The following TLCD4 variants were observed in gnomAD, a reference collection of about 807,000 sequenced individuals.
The protein encoded by TLCD4 is TLC domain-containing protein 4.
A neutral mutation model predicts 24.2 loss-of-function variants in TLCD4; 7 were observed. That is an observed-to-expected ratio of 0.29 (90% CI 0.16 to 0.54). The LOEUF is 0.54. Among genes scored for constraint, TLCD4 ranks in the 20% least tolerant of loss-of-function variants. The pLI, the probability that TLCD4 is intolerant of heterozygous loss-of-function variation, is 0.95. For missense variants in TLCD4, 259 were observed against 313.9 expected (o/e 0.82, Z 1.32); for synonymous variants, 103 against 106.4 (o/e 0.97, Z 0.20).
In TLCD4 at chr1:95,194,949, A is replaced by G. The variant is rs943044780; in HGVS notation, c.*3081A>G. The G allele has an allele frequency of 6.6e-6, 1 of 152,114 alleles. No homozygotes were observed. The highest frequency in any genetic ancestry group is 2.4e-5 in the African/African-American group (1 of 41,436). 9.4% of individuals were successfully genotyped at this position (152,114 alleles called of 1,614,324 possible). A position where few individuals can be genotyped will look rare whatever the true frequency, so the allele number is the denominator to read the frequency against. On this transcript the variant is annotated 3_prime_UTR_variant, in exon 7 of 7. Transcript: ENST00000370203. ...TAAATTGAATTAAATTTTTATCCCA[A>G]CTGTTTGATTTTATTATTTCATGGA... is the stretch of plus-strand genomic sequence containing the variant.
At chr1:95,151,132 G>C (rs188890762) in intron 4 of TLCD4, among the ~76,000 whole-genome samples, 193 bp from the exon 5 acceptor site, 13 of 152,272 alleles carry the variant, frequency 8.5e-5, no homozygotes, top group Admixed American at 6.5e-4. Context: ...AGCCACAGGA[G>C]TGTGGATGAG....
chr1:95,159,013 G>C (rs527738689), intron 5 of TLCD4, among the ~76,000 whole-genome samples: 2 of 152,236 alleles, frequency 1.3e-5, no homozygotes, highest in South Asian at 4.2e-4. Flanking sequence ...AATCCTTTGG[G>C]TTTTGACCCA....
intron 6 of TLCD4, among the ~76,000 whole-genome samples, chr1:95,189,691 A>G (rs2101025877): frequency 6.6e-6 from 1 of 152,332 alleles, no homozygotes; most frequent in East Asian, 1.9e-4. Flanking sequence ...TTAGCACTTT[A>G]GATTCATTCT....
At chr1:95,131,291 A>G (rs1452471212) in intron 1 of TLCD4, among the ~76,000 whole-genome samples, 1 of 152,180 alleles carries the variant, frequency 6.6e-6, no homozygotes, top group Non-Finnish European at 1.5e-5. Context: ...CTGAAGAACC[A>G]TGGATGTGAA....
At chr1:95,137,412 A>G (rs1469934721) in intron 1 of TLCD4, among the ~76,000 whole-genome samples, 1 of 152,154 alleles carries the variant, frequency 6.6e-6, no homozygotes, top group Non-Finnish European at 1.5e-5. Flanking sequence ...ACACTCCAGC[A>G]GTGGTTCTCA....
At chr1:95,122,397 T>G (rs1676594262) in intron 1 of TLCD4, among the ~76,000 whole-genome samples, 1 of 152,160 alleles carries the variant, frequency 6.6e-6, no homozygotes, top group African/African-American at 2.4e-5. Context: ...TACACGGGTA[T>G]CAGAGTTCAC....
chr1:95,103,750 T>C, the TLCD4 span, among the ~76,000 whole-genome samples: 1 of 152,260 alleles, frequency 6.6e-6, no homozygotes, highest in Non-Finnish European at 1.5e-5. Flanking sequence ...TATGGTTTTT[T>C]ATTTCCCAAG....
intron 6 of TLCD4, among the ~76,000 whole-genome samples, chr1:95,175,469 C>T (rs1186370289): frequency 1.3e-5 from 2 of 152,212 alleles, no homozygotes; most frequent in African/African-American, 4.8e-5. Context: ...GCACCCCTGG[C>T]TATTGTGAAT....
chr1:95,131,798 A>G (rs901626498), intron 1 of TLCD4, among the ~76,000 whole-genome samples: 1 of 152,152 alleles, frequency 6.6e-6, no homozygotes, highest in Non-Finnish European at 1.5e-5. Flanking sequence ...TAGGTTGACT[A>G]TGGTTTGTCC....
At chr1:95,128,815 T>A (rs1311731265) in intron 1 of TLCD4, among the ~76,000 whole-genome samples, 1 of 152,186 alleles carries the variant, frequency 6.6e-6, no homozygotes, top group Non-Finnish European at 1.5e-5. Context: ...AGGCACTTAA[T>A]TGGATCAGAG....
At position 95,193,943 on chromosome 1, in the gene TLCD4, T is replaced by C. The variant is rs1211491659; in HGVS notation, c.*2075T>C. The C allele has an allele frequency of 6.6e-6, 1 of 152,084 alleles. No individual in the cohort carries two copies. Among genetic ancestry groups the C allele is most frequent in the African/African-American group, 2.4e-5 (1 of 41,444 alleles). 9.4% of individuals were successfully genotyped at this position (152,084 alleles called of 1,614,324 possible). On this transcript the variant is annotated 3_prime_UTR_variant, in exon 7 of 7. Coordinates refer to ENST00000370203, the MANE Select transcript of TLCD4 (RefSeq NM_152487.3). ...AAAACTATTTTGGAAATTCATTCTT[T>C]TAGAAAGAGACCTTGAGATAAATAT...
chr1:95,180,413 G>A (rs1678592895), intron 6 of TLCD4, among the ~76,000 whole-genome samples: 1 of 152,158 alleles, frequency 6.6e-6, no homozygotes, highest in African/African-American at 2.4e-5. Flanking sequence ...TGGCATCATT[G>A]GGCAGTAAGG....
chr1:95,156,802 A>G (rs1195242629), intron 5 of TLCD4, among the ~76,000 whole-genome samples: 1 of 152,158 alleles, frequency 6.6e-6, no homozygotes, highest in Non-Finnish European at 1.5e-5. Context: ...ATGGAAGGAA[A>G]TGGGAGAAGC....
chr1:95,131,094 G>A (rs1193043472), intron 1 of TLCD4, among the ~76,000 whole-genome samples: 4 of 152,168 alleles, frequency 2.6e-5, no homozygotes, highest in Non-Finnish European at 5.9e-5. Context: ...TTACATGGAA[G>A]ACATTGTGTT....
At chr1:95,165,482 T>TC (rs1557691091) in intron 5 of TLCD4, among the ~76,000 whole-genome samples, 29 of 150,930 alleles carry the variant, frequency 1.9e-4, no homozygotes, top group Non-Finnish European at 7.4e-5. Flanking sequence ...TTTTTTTTTT[T>TC]CAGACAAAGT....
intron 6 of TLCD4, among the ~76,000 whole-genome samples, chr1:95,181,102 AAAAC>A (rs1240185033): frequency 6.6e-6 from 1 of 152,218 alleles, no homozygotes; most frequent in Non-Finnish European, 1.5e-5. Flanking sequence ...GTCTCAGAAA[AAAAC>A]AAAAAATTAT....
intron 5 of TLCD4, 98 bp from the exon 6 acceptor site, chr1:95,173,718 G>A: frequency 6.7e-7 from 1 of 1,503,758 alleles, no homozygotes; most frequent in Admixed American, 1.8e-5. Flanking sequence ...GGTATTGATT[G>A]TTATATTATG....
chr1:95,181,954 C>T (rs1180420174), intron 6 of TLCD4, among the ~76,000 whole-genome samples: 3 of 152,106 alleles, frequency 2.0e-5, no homozygotes, highest in Non-Finnish European at 4.4e-5. Context: ...AATTTTGATT[C>T]ATCATGTCTT....
chr1:95,154,275 C>A (rs920490789), intron 5 of TLCD4, among the ~76,000 whole-genome samples: 1 of 152,258 alleles, frequency 6.6e-6, no homozygotes, highest in African/African-American at 2.4e-5. Flanking sequence ...AAGCAGCTGG[C>A]CTGCCAATCC....
Sources: gnomAD v4.1 joint callset for allele counts (sites outside exome capture counted in the v4.1 genomes callset) on GRCh38, gnomAD v4.1.1 for gene constraint, MANE v1.5 for transcripts, NCBI Gene and HGNC (gene_info 2026-07-23, HGNC 2026-07-21) for gene names.